Variants in CDCA2 observed in about 807,000 individuals in gnomAD.
CDCA2 encodes cell division cycle associated 2.
A neutral mutation model predicts 67.0 loss-of-function variants in CDCA2; 44 were observed. The observed-to-expected ratio is 0.66, with a 90% CI of 0.52 to 0.84. The LOEUF is 0.84. Among genes scored for constraint, CDCA2 ranks in the 40% least tolerant of loss-of-function variants. The pLI is 0.00. For missense variants in CDCA2, 1,253 were observed against 1,203.2 expected, an observed-to-expected ratio of 1.04 and a Z score of -0.61; for synonymous variants, 447 against 418.7, an observed-to-expected ratio of 1.07 and a Z score of -0.82.
chr8:25,490,993 G>A (rs1193541121), intron 13 of CDCA2, among the ~76,000 whole-genome samples: 1 of 152,088 alleles, frequency 6.6e-6, no homozygotes, highest in Admixed American at 6.5e-5. Flanking sequence ...CAGAGAAATA[G>A]GTTATTCAAG....
intron 8 of CDCA2, among the ~76,000 whole-genome samples, chr8:25,481,582 C>T (rs147467546): frequency 4.6e-5 from 7 of 151,814 alleles, no homozygotes; most frequent in African/African-American, 1.2e-4. Context: ...CCCAGCTACT[C>T]GGGAGGCTGG....
chr8:25,488,754 G>A (rs1803882753), intron 13 of CDCA2, 65 bp downstream of exon 13: 3 of 1,355,044 alleles, frequency 2.2e-6, no homozygotes, highest in Middle Eastern at 2.6e-4. Flanking sequence ...GTATAATTAG[G>A]AAAATATAGA....
At chr8:25,464,946 C>T (rs1311608475) in intron 4 of CDCA2, among the ~76,000 whole-genome samples, 2 of 152,058 alleles carry the variant, frequency 1.3e-5, no homozygotes, top group East Asian at 3.9e-4. Flanking sequence ...CATGGCTTCA[C>T]GATATGAACT....
At chr8:25,500,169 C>A (rs1019864619) in intron 13 of CDCA2, among the ~76,000 whole-genome samples, 1 of 151,576 alleles carries the variant, frequency 6.6e-6, no homozygotes, top group Admixed American at 6.6e-5. Flanking sequence ...TTCATTCATT[C>A]GTATTTGTGG....
At chr8:25,505,956 GA>G in intron 14 of CDCA2, among the ~76,000 whole-genome samples, 1 of 151,998 alleles carries the variant, frequency 6.6e-6, no homozygotes, top group South Asian at 2.1e-4. Flanking sequence ...TTATAATATT[GA>G]AACAAACCTG....
intron 13 of CDCA2, among the ~76,000 whole-genome samples, chr8:25,499,711 C>A (rs1197017556): frequency 6.6e-6 from 1 of 152,202 alleles, no homozygotes; most frequent in Non-Finnish European, 1.5e-5. Context: ...TCCTGACCTC[C>A]TTCACTGTGT....
intron 13 of CDCA2, among the ~76,000 whole-genome samples, chr8:25,498,463 C>CA (rs71214578): frequency 2.4e-5 from 3 of 125,752 alleles, no homozygotes; most frequent in African/African-American, 8.4e-5. Flanking sequence ...ACCCCCCCCC[C>CA]GCCCCCCAGG....
chr8:25,484,589 A>ATTT (rs35499692), intron 10 of CDCA2, among the ~76,000 whole-genome samples: 2 of 130,778 alleles, frequency 1.5e-5, no homozygotes, highest in Non-Finnish European at 3.2e-5. Flanking sequence ...GGTATAGATG[A>ATTT]TTTTTTTTTT....
chr8:25,494,508 G>A (rs531189193), intron 13 of CDCA2, among the ~76,000 whole-genome samples: 118 of 152,236 alleles, frequency 7.8e-4, no homozygotes, highest in African/African-American at 2.6e-3. Flanking sequence ...TATGCTCTAT[G>A]CAAATACTGT....
At chr8:25,475,806 G>A (rs558546473) in intron 7 of CDCA2, among the ~76,000 whole-genome samples, 2 of 152,244 alleles carry the variant, frequency 1.3e-5, no homozygotes, top group East Asian at 1.9e-4. Flanking sequence ...ACCAGAATTC[G>A]CTCTCTGGTG....
At chr8:25,466,917 CT>C (rs1802922979) in intron 5 of CDCA2, among the ~76,000 whole-genome samples, 2 of 151,836 alleles carry the variant, frequency 1.3e-5, no homozygotes, top group Admixed American at 1.3e-4. Flanking sequence ...TGACACATGC[CT>C]GTAACTCCAG....
At chr8:25,487,403 C>A in intron 12 of CDCA2, 69 bp downstream of exon 12, 2 of 975,250 alleles carry the variant, frequency 2.1e-6, no homozygotes, top group Non-Finnish European at 3.2e-6. Flanking sequence ...GTTTTCATGG[C>A]CAAATGATAA....
At chr8:25,475,019 A>G (rs1191709253) in intron 7 of CDCA2, among the ~76,000 whole-genome samples, 1 of 152,230 alleles carries the variant, frequency 6.6e-6, no homozygotes, top group Non-Finnish European at 1.5e-5. Flanking sequence ...TAGTGACAGC[A>G]CAAGGGCTTA....
chr8:25,501,069 G>A (rs982263311), intron 13 of CDCA2, among the ~76,000 whole-genome samples: 1 of 151,876 alleles, frequency 6.6e-6, no homozygotes, highest in Non-Finnish European at 1.5e-5. Context: ...ACTGTTCCAC[G>A]GAATGTCAAC....
chr8:25,461,485 A>G (rs563203910), intron 3 of CDCA2, among the ~76,000 whole-genome samples: 3 of 152,336 alleles, frequency 2.0e-5, no homozygotes, highest in East Asian at 1.9e-4. Context: ...TACATAAGAC[A>G]AGGCGAAAGT....
In CDCA2 at chr8:25,507,020, A is replaced by T; in HGVS notation, c.2354A>T (p.Asn785Ile). 3 of 1,614,108 alleles carry T rather than the reference A, an allele frequency of 1.9e-6. No homozygotes were observed. Among genetic ancestry groups the T allele is most frequent in the Non-Finnish European group, 2.5e-6 (3 of 1,179,974 alleles). ...CTGCAATGCAATCGTTTAATGCCTAATTCACAAAAAGACTGTCATTGTTTA... is the reference window on the plus strand; with the variant it reads ...CTGCAATGCAATCGTTTAATGCCTATTTCACAAAAAGACTGTCATTGTTTA... Reference protein sequence around the residue: ...GKLQCNRLMPNSQKDCHCLGD... With the variant: ...GKLQCNRLMPISQKDCHCLGD... Residue 785 changes from asparagine to isoleucine, a missense_variant, in exon 15 of 15, where the codon AAT (asparagine) becomes ATT (isoleucine). By Grantham distance (149) the Asn-to-Ile change is moderately radical. Transcript: ENST00000330560.
chr8:25,506,398 G>A, intron 14 of CDCA2, 112 bp from the exon 15 acceptor site: 1 of 958,640 alleles, frequency 1.0e-6, no homozygotes, highest in Non-Finnish European at 1.5e-6. Context: ...TGTGGGTCTT[G>A]TGAATGCTTA....
chr8:25,470,085 T>C, intron 7 of CDCA2, 105 bp downstream of exon 7: 1 of 713,850 alleles, frequency 1.4e-6, no homozygotes, highest in African/African-American at 1.7e-5. Context: ...TGTTTCCTAC[T>C]TTTTAGGAGC....
At chr8:25,500,371 CAT>C (rs1433396142) in intron 13 of CDCA2, among the ~76,000 whole-genome samples, 2 of 149,304 alleles carry the variant, frequency 1.3e-5, no homozygotes, top group East Asian at 2.0e-4. Context: ...ATACTAATAA[CAT>C]AATTTAATAT....
Sources: allele counts gnomAD v4.1 joint callset (sites outside exome capture counted in the v4.1 genomes callset), GRCh38; gene constraint gnomAD v4.1.1; transcripts MANE v1.5; gene names NCBI Gene and HGNC (gene_info 2026-07-23, HGNC 2026-07-21).